Variants in GFOD1 observed in about 807,000 individuals in gnomAD.
GFOD1 encodes Gfo/Idh/MocA-like oxidoreductase domain containing 1, also known as glucose-fructose oxidoreductase domain-containing protein 1.
GFOD1 carries 9 observed loss-of-function variants against 25.4 expected under a neutral mutation model. That is an observed-to-expected ratio of 0.35 (90% CI 0.21 to 0.62). GFOD1 has a LOEUF of 0.62. Ranked by LOEUF, GFOD1 falls within the 20% of genes least tolerant of loss-of-function variation. The probability of loss-of-function intolerance (pLI) is 0.72; values close to 1 mark genes in which losing one functional copy is unlikely to be tolerated. For synonymous variants in GFOD1, 253 were observed against 245.6 expected, an observed-to-expected ratio of 1.03 and a Z score of -0.28; for missense variants, 403 against 556.9, an observed-to-expected ratio of 0.72 and a Z score of 2.78.
chr6:13,482,574 C>T (rs1379238053), intron 1 of GFOD1, among the ~76,000 whole-genome samples: 3 of 152,012 alleles, frequency 2.0e-5, no homozygotes, highest in East Asian at 3.9e-4. Context: ...TAGGGAAACC[C>T]CATCTCTACT....
Position 13,364,841 on chromosome 6 carries a change from A to T in GFOD1, c.1075T>A (p.Trp359Arg). ...TIKRSSQTGE[W>R]QNIAIMTEEP... The stretch of plus-strand genomic sequence containing the variant: ...TCGGTCATGATGGCAATGTTCTGCC[A>T]CTCGCCCGTCTGGCTGGACCTCTTG... The change falls in exon 2 of 2, where the codon TGG becomes AGG. Residue 359 changes from tryptophan to arginine, a missense_variant. Transcript: ENST00000379287. The surrounding 1 kb of genome is among the most constrained non-coding windows in gnomAD (Gnocchi z 4.1). The T allele has an allele frequency of 6.2e-7, 1 of 1,613,826 alleles. No individual in the cohort carries two copies. Among genetic ancestry groups the T allele is most frequent in the Non-Finnish European group, 8.5e-7 (1 of 1,179,964 alleles).
chr6:13,377,985 A>G (rs555140223), intron 1 of GFOD1, among the ~76,000 whole-genome samples: 1 of 152,246 alleles, frequency 6.6e-6, no homozygotes, highest in African/African-American at 2.4e-5. Context: ...GGCAGTAGCA[A>G]CAGAAACAGG....
intron 1 of GFOD1, among the ~76,000 whole-genome samples, chr6:13,375,178 T>C (rs1785233623): frequency 6.6e-6 from 1 of 152,214 alleles, no homozygotes; most frequent in Admixed American, 6.5e-5. Context: ...GACTTATTCC[T>C]CCCATCAAGT....
At chr6:13,425,160 C>G (rs1786330834) in intron 1 of GFOD1, among the ~76,000 whole-genome samples, 1 of 151,794 alleles carries the variant, frequency 6.6e-6, no homozygotes, top group African/African-American at 2.4e-5. Flanking sequence ...GGGTCTCTCT[C>G]TGTTGCCCAG....
intron 1 of GFOD1, among the ~76,000 whole-genome samples, chr6:13,458,083 A>G (rs1219793762): frequency 6.6e-6 from 1 of 151,912 alleles, no homozygotes; most frequent in Admixed American, 6.6e-5. Context: ...ATAATTTTAA[A>G]CCCTCTTTGA....
intron 1 of GFOD1, among the ~76,000 whole-genome samples, chr6:13,453,686 G>A (rs565649930): frequency 8.5e-5 from 13 of 152,226 alleles, no homozygotes; most frequent in Non-Finnish European, 1.3e-4. Flanking sequence ...TACAATATGC[G>A]AAGTATTCTT....
chr6:13,394,570 G>C (rs533827389), intron 1 of GFOD1, among the ~76,000 whole-genome samples: 1 of 141,264 alleles, frequency 7.1e-6, no homozygotes, highest in Non-Finnish European at 1.5e-5. Flanking sequence ...AAACTCCTGG[G>C]CCCAAGCAAT....
chr6:13,475,674 C>T (rs543252438), intron 1 of GFOD1, among the ~76,000 whole-genome samples: 16 of 150,780 alleles, frequency 1.1e-4, no homozygotes, highest in East Asian at 9.7e-4. Context: ...GCCGAGATTA[C>T]GCCATTGCAC....
intron 1 of GFOD1, among the ~76,000 whole-genome samples, chr6:13,459,633 C>T (rs1215463503): frequency 2.0e-5 from 3 of 151,984 alleles, no homozygotes; most frequent in Admixed American, 6.6e-5. Flanking sequence ...ATATCCAGGA[C>T]CTACAAGGAA....
chr6:13,365,973 G>A lies in GFOD1; in HGVS notation c.254-311C>T, dbSNP rs956579613. 1.3e-5 allele frequency among the ~76,000 whole-genome samples: 2 copies of A among 150,526 alleles called. No individual in the cohort carries two copies. The highest frequency in any genetic ancestry group is 6.6e-5 in the Admixed American group (1 of 15,150). On this transcript the variant is annotated intron_variant, in intron 1 of 1. Transcript: ENST00000379287. The surrounding 1 kb of genome is among the most constrained non-coding windows in gnomAD (Gnocchi z 9.2). ...TGTGGTCCCAGCTACTCAGGAGGCC[G>A]AAGTGGGAGGATCACTTGAGCCCAG...
intron 1 of GFOD1, among the ~76,000 whole-genome samples, chr6:13,480,898 A>T (rs1223016890): frequency 6.6e-6 from 1 of 152,250 alleles, no homozygotes; most frequent in East Asian, 1.9e-4. Flanking sequence ...TAATTGACAC[A>T]TTCTCTTTAG....
At chr6:13,423,931 T>C (rs1402064649) in intron 1 of GFOD1, among the ~76,000 whole-genome samples, 2 of 152,210 alleles carry the variant, frequency 1.3e-5, no homozygotes, top group African/African-American at 4.8e-5. Context: ...TGATTGTGGC[T>C]CACCACAACC....
At chr6:13,409,791 A>G (rs1207947584) in intron 1 of GFOD1, among the ~76,000 whole-genome samples, 9 of 152,042 alleles carry the variant, frequency 5.9e-5, no homozygotes, top group African/African-American at 1.9e-4. Flanking sequence ...GCATGGTGGC[A>G]CACACCTGTA....
At chr6:13,480,470 G>A (rs1332262613) in intron 1 of GFOD1, among the ~76,000 whole-genome samples, 1 of 152,198 alleles carries the variant, frequency 6.6e-6, no homozygotes, top group East Asian at 1.9e-4. Context: ...CACACTGCCT[G>A]AGGGCTGGAT....
Position 13,444,887 on chromosome 6 carries a change from A to G in GFOD1, c.253+41751T>C, listed in dbSNP as rs763373169. Among the ~76,000 whole-genome samples the G allele has an allele frequency of 2.0e-5, 3 of 152,364 alleles. No individual in the cohort carries two copies. In the South Asian group the frequency reaches 6.2e-4, roughly 32 times the overall value. Reference sequence around the variant, plus strand: ...TACATATTGCAAAACAACACATTGTATATGATCGATATATACCATTTTTAT... The same window carrying G: ...TACATATTGCAAAACAACACATTGTGTATGATCGATATATACCATTTTTAT... On this transcript the variant is annotated intron_variant, in intron 1 of 1. Coordinates refer to ENST00000379287, the MANE Select transcript of GFOD1 (RefSeq NM_018988.4).
At chr6:13,368,020 G>A (rs971611337) in intron 1 of GFOD1, among the ~76,000 whole-genome samples, 6 of 152,146 alleles carry the variant, frequency 3.9e-5, no homozygotes, top group Non-Finnish European at 7.4e-5. Flanking sequence ...CAAAATCCAC[G>A]AACACTTACA....
chr6:13,417,492 C>A (rs1786182257), intron 1 of GFOD1, among the ~76,000 whole-genome samples: 1 of 152,184 alleles, frequency 6.6e-6, no homozygotes, highest in South Asian at 2.1e-4. Flanking sequence ...TCCAAAAGAA[C>A]CTGACAATTG....
intron 1 of GFOD1, chr6:13,470,412 G>C: frequency 1.3e-6 from 2 of 1,549,736 alleles, no homozygotes; most frequent in Non-Finnish European, 1.7e-6. Flanking sequence ...CTGTGCCCTG[G>C]ATGTGAACGG....
chr6:13,486,053 C>T (rs1758858117), intron 1 of GFOD1: 4 of 865,642 alleles, frequency 4.6e-6, no homozygotes, highest in Non-Finnish European at 5.5e-6. Context: ...GTAACATCTG[C>T]AATCTCACGC....
Sources: allele counts gnomAD v4.1 joint callset (sites outside exome capture counted in the v4.1 genomes callset), GRCh38; gene constraint gnomAD v4.1.1; non-coding constraint Gnocchi (gnomAD v3.1); transcripts MANE v1.5; gene names NCBI Gene and HGNC (gene_info 2026-07-23, HGNC 2026-07-21).